The following MCU variants were observed in gnomAD, a reference collection of about 807,000 sequenced individuals.
The protein encoded by MCU is calcium uniporter protein, mitochondrial.
Under a neutral mutation model 45.2 loss-of-function variants are expected in MCU, and 12 were observed. The observed-to-expected ratio is 0.27, with a 90% CI of 0.17 to 0.43. The LOEUF (loss-of-function observed/expected upper bound fraction) is 0.43. Ranked by LOEUF, MCU falls within the 20% of genes least tolerant of loss-of-function variation. MCU has a pLI of 1.00. For missense variants in MCU, 324 were observed against 436.7 expected (o/e 0.74, Z 2.30); for synonymous variants, 160 against 165.1 (o/e 0.97, Z 0.24).
At chr10:72,835,600 G>A (rs1047986461) in intron 2 of MCU, among the ~76,000 whole-genome samples, 3 of 152,086 alleles carry the variant, frequency 2.0e-5, no homozygotes, top group East Asian at 1.9e-4. Flanking sequence ...AAGCTGTTAC[G>A]TGAATTTATA....
intron 1 of MCU, among the ~76,000 whole-genome samples, chr10:72,825,971 T>G (rs1844792345): frequency 6.6e-6 from 1 of 152,198 alleles, no homozygotes; most frequent in Admixed American, 6.5e-5. Flanking sequence ...ATGTTTCCTC[T>G]CTATGAGCCC....
At chr10:72,748,208 C>G (rs1369864677) in intron 1 of MCU, among the ~76,000 whole-genome samples, 1 of 152,046 alleles carries the variant, frequency 6.6e-6, no homozygotes. Context: ...CCACCACGCC[C>G]AGCTAATTTT....
chr10:72,740,734 T>C (rs770775455), intron 1 of MCU, among the ~76,000 whole-genome samples: 2 of 152,252 alleles, frequency 1.3e-5, no homozygotes, highest in African/African-American at 2.4e-5. Flanking sequence ...CTATGAGTCA[T>C]TTGCTCCTTT....
intron 2 of MCU, among the ~76,000 whole-genome samples, chr10:72,838,846 CTG>C (rs2132840878): frequency 6.6e-6 from 1 of 152,178 alleles, no homozygotes; most frequent in Non-Finnish European, 1.5e-5. Context: ...AACCTAAGGT[CTG>C]TGCATGGTTT....
At chr10:72,743,131 G>A (rs1322595890) in intron 1 of MCU, among the ~76,000 whole-genome samples, 1 of 151,972 alleles carries the variant, frequency 6.6e-6, no homozygotes, top group East Asian at 1.9e-4. Context: ...GTTTTGGGCT[G>A]GGCGTGGTGG....
intron 1 of MCU, among the ~76,000 whole-genome samples, chr10:72,809,619 A>G (rs1401300357): frequency 6.6e-6 from 1 of 152,224 alleles, no homozygotes; most frequent in Non-Finnish European, 1.5e-5. Context: ...TATTCTAATA[A>G]GCAGCTAGAA....
At chr10:72,695,468 T>C (rs1335487445) in intron 1 of MCU, among the ~76,000 whole-genome samples, 1 of 152,244 alleles carries the variant, frequency 6.6e-6, no homozygotes, top group Non-Finnish European at 1.5e-5. Context: ...TAAGCTAGTC[T>C]CTGCACTGTC....
chr10:72,708,479 A>T (rs888956544), intron 1 of MCU: 6 of 152,222 alleles, frequency 3.9e-5, no homozygotes, highest in Non-Finnish European at 8.8e-5. Context: ...TAGGTGTGAA[A>T]ACCTTAAGTG....
chr10:72,807,260 T>C (rs1351225520), intron 1 of MCU, among the ~76,000 whole-genome samples: 1 of 152,122 alleles, frequency 6.6e-6, no homozygotes, highest in African/African-American at 2.4e-5. Flanking sequence ...AGTTATTTAG[T>C]ACAGTCAGCT....
chr10:72,868,339 G>A (rs1845489223), intron 4 of MCU, among the ~76,000 whole-genome samples: 3 of 151,976 alleles, frequency 2.0e-5, no homozygotes, highest in South Asian at 2.1e-4. Flanking sequence ...GCTTGAGCCC[G>A]GGAGTTCGAG....
intron 1 of MCU, among the ~76,000 whole-genome samples, chr10:72,740,531 T>C (rs1371370238): frequency 4.6e-5 from 7 of 152,224 alleles, no homozygotes; most frequent in Admixed American, 2.0e-4. Flanking sequence ...ATCAAACTTA[T>C]TTATCAGTTT....
chr10:72,808,295 A>T (rs1214330946), intron 1 of MCU, among the ~76,000 whole-genome samples: 1 of 152,232 alleles, frequency 6.6e-6, no homozygotes, highest in East Asian at 1.9e-4. Flanking sequence ...AAATTAGACG[A>T]GTCTACTGTA....
intron 6 of MCU, among the ~76,000 whole-genome samples, chr10:72,883,204 C>T (rs1285871140): frequency 1.3e-5 from 2 of 152,076 alleles, no homozygotes; most frequent in African/African-American, 2.4e-5. Context: ...AGATTAGTAG[C>T]TGCCTAGAAC....
Position 72,692,694 on chromosome 10 carries a change from C to T in MCU, c.150+393C>T, listed in dbSNP as rs574895812. ...AAGTTGTCCCCTTTCCCTCCTCCTC[C>T]GGGCGGGTTGGGGAGTTCTGAGTTG... On this transcript the variant is annotated intron_variant, in intron 1 of 7. Coordinates refer to ENST00000373053, the MANE Select transcript of MCU (RefSeq NM_138357.3). The T allele has an allele frequency of 6.5e-6, 8 of 1,224,636 alleles. No homozygotes were observed. The Admixed American group carries it at 2.7e-4, about 42-fold the overall frequency. 75.9% of individuals were successfully genotyped at this position (1,224,636 alleles called of 1,614,324 possible).
At chr10:72,789,717 C>G (rs184952478) in intron 1 of MCU, among the ~76,000 whole-genome samples, 7 of 152,216 alleles carry the variant, frequency 4.6e-5, no homozygotes, top group African/African-American at 1.7e-4. Flanking sequence ...CTGTTAAGAC[C>G]TGTTCCCTCA....
chr10:72,699,228 C>T (rs1842725814), intron 1 of MCU, among the ~76,000 whole-genome samples: 1 of 152,066 alleles, frequency 6.6e-6, no homozygotes, highest in South Asian at 2.1e-4. Flanking sequence ...AAACGTTTGC[C>T]AGCCGTAGTG....
chr10:72,869,961 T>TTA (rs1845515233), intron 5 of MCU, among the ~76,000 whole-genome samples: 1 of 152,286 alleles, frequency 6.6e-6, no homozygotes, highest in African/African-American at 2.4e-5. Context: ...TTTAAATGTG[T>TTA]TATATATATA....
At chr10:72,822,504 A>G (rs914694727) in intron 1 of MCU, among the ~76,000 whole-genome samples, 3 of 152,238 alleles carry the variant, frequency 2.0e-5, no homozygotes, top group Admixed American at 1.3e-4. Context: ...CTTGATAATA[A>G]AAAGACAACC....
At chr10:72,801,632 C>T (rs1211132034) in intron 1 of MCU, among the ~76,000 whole-genome samples, 1 of 150,758 alleles carries the variant, frequency 6.6e-6, no homozygotes, top group Non-Finnish European at 1.5e-5. Flanking sequence ...ATCCTGTTTC[C>T]TGATGAGTCT....
Sources: allele counts gnomAD v4.1 joint callset (sites outside exome capture counted in the v4.1 genomes callset), GRCh38; gene constraint gnomAD v4.1.1; transcripts MANE v1.5; gene names NCBI Gene and HGNC (gene_info 2026-07-23, HGNC 2026-07-21).